QTGAL: variants seen among roughly 807,000 people sequenced by gnomAD.
QTGAL encodes the protein BGnT-like protein 1.
the QTGAL span, among the ~76,000 whole-genome samples, chr17:82,977,222 G>A: frequency 2.6e-5 from 4 of 152,238 alleles, no homozygotes; most frequent in South Asian, 2.1e-4. Context: ...GAGGAAAGGG[G>A]CTTACAGGCC....
chr17:82,964,209 G>A, the QTGAL span, among the ~76,000 whole-genome samples: 2 of 136,298 alleles, frequency 1.5e-5, no homozygotes, highest in Non-Finnish European at 3.1e-5. Flanking sequence ...GTTGTAGTGA[G>A]TGAGCCACTG....
chr17:82,992,401 G>A, the QTGAL span, among the ~76,000 whole-genome samples: 31 of 152,162 alleles, frequency 2.0e-4, no homozygotes, highest in Admixed American at 3.9e-4. Flanking sequence ...GCCTAGGAGA[G>A]GATGGCATGA....
chr17:82,946,167 A>G, the QTGAL span, among the ~76,000 whole-genome samples: 1 of 152,244 alleles, frequency 6.6e-6, no homozygotes, highest in Non-Finnish European at 1.5e-5. Context: ...ATGGAACAAG[A>G]ATAAAAAATA....
chr17:82,965,214 A>C, the QTGAL span, among the ~76,000 whole-genome samples: 2 of 149,246 alleles, frequency 1.3e-5, no homozygotes, highest in Non-Finnish European at 3.0e-5. Flanking sequence ...GGGGACGGGG[A>C]CATGGACGCC....
At chr17:82,994,092 T>C in the QTGAL span, among the ~76,000 whole-genome samples, 3 of 151,914 alleles carry the variant, frequency 2.0e-5, no homozygotes, top group African/African-American at 7.2e-5. Context: ...TAACAATGCA[T>C]CTTAAGCAAC....
chr17:82,949,934 C>A, the QTGAL span: 1 of 152,336 alleles, frequency 6.6e-6, no homozygotes, highest in South Asian at 2.1e-4. Context: ...ATAAGATGGA[C>A]ACGCTTGCTC....
the QTGAL span, among the ~76,000 whole-genome samples, chr17:82,987,199 T>C: frequency 6.6e-6 from 1 of 152,248 alleles, no homozygotes; most frequent in African/African-American, 2.4e-5. Flanking sequence ...AAATATCTCA[T>C]GTGCTCCATA....
the QTGAL span, among the ~76,000 whole-genome samples, chr17:82,970,531 GGCCGCGACC>G: frequency 6.9e-6 from 1 of 145,642 alleles, no homozygotes; most frequent in Admixed American, 6.9e-5. Flanking sequence ...CACCCAGCGT[GGCCGCGACC>G]TCCGCACCCG....
chr17:83,005,611 G>T, the QTGAL span: 1 of 702,728 alleles, frequency 1.4e-6, no homozygotes, highest in Admixed American at 2.0e-5. The surrounding 1 kb of genome is among the most constrained non-coding windows in gnomAD (Gnocchi z 5.6). Flanking sequence ...TGAGGAAACC[G>T]CTGCCTGTCC....
chr17:83,007,101 T>C, the QTGAL span: 1 of 630,704 alleles, frequency 1.6e-6, no homozygotes, highest in Non-Finnish European at 2.0e-6. Context: ...ACACCCTCCT[T>C]AGTGAAATGT....
the QTGAL span, among the ~76,000 whole-genome samples, chr17:83,018,829 T>TG: frequency 1.3e-5 from 2 of 152,274 alleles, no homozygotes; most frequent in South Asian, 4.1e-4. Context: ...CTGGCAGGGC[T>TG]GGGGCGAGGC....
At chr17:83,001,639 G>A in the QTGAL span, among the ~76,000 whole-genome samples, 1 of 152,186 alleles carries the variant, frequency 6.6e-6, no homozygotes, top group African/African-American at 2.4e-5. Flanking sequence ...TAGGTGCTGG[G>A]TGTGTGACCT....
At chr17:83,046,341 T>C in the QTGAL span, among the ~76,000 whole-genome samples, 1 of 152,210 alleles carries the variant, frequency 6.6e-6, no homozygotes, top group Non-Finnish European at 1.5e-5. Flanking sequence ...TTCACCATGT[T>C]GGCCAGGCTG....
chr17:82,956,520 A>G, the QTGAL span, among the ~76,000 whole-genome samples: 1 of 151,980 alleles, frequency 6.6e-6, no homozygotes, highest in Non-Finnish European at 1.5e-5. This position sits in a 1 kb window ranked among gnomAD's most constrained non-coding sequence, Gnocchi z 5.7. Flanking sequence ...AGCGGCCACC[A>G]CCCCACAGCC....
chr17:82,955,837 T>C, the QTGAL span, among the ~76,000 whole-genome samples: 4 of 152,310 alleles, frequency 2.6e-5, no homozygotes, highest in African/African-American at 9.6e-5. Flanking sequence ...AATGAGTTCA[T>C]GTCCTTTGCA....
chr17:82,974,750 G>C, the QTGAL span, among the ~76,000 whole-genome samples: 5 of 152,166 alleles, frequency 3.3e-5, no homozygotes, highest in Non-Finnish European at 7.4e-5. Flanking sequence ...CCCTGGGGGT[G>C]AGCTGGGTCC....
the QTGAL span, among the ~76,000 whole-genome samples, chr17:82,964,722 G>A: frequency 1.1e-3 from 156 of 139,410 alleles, 2 homozygotes; most frequent in African/African-American, 4.1e-3. Context: ...ACGGGGGGAC[G>A]GGGACACGGA....
the QTGAL span, among the ~76,000 whole-genome samples, chr17:83,001,711 T>G: frequency 6.6e-6 from 1 of 152,336 alleles, no homozygotes; most frequent in Non-Finnish European, 1.5e-5. Flanking sequence ...TTTTTCTCTG[T>G]AATTTTTTAT....
the QTGAL span, chr17:82,956,664 G>C: frequency 1.3e-6 from 2 of 1,526,092 alleles, no homozygotes; most frequent in Non-Finnish European, 1.8e-6. This position sits in a 1 kb window ranked among gnomAD's most constrained non-coding sequence, Gnocchi z 5.7. Context: ...GGATCCCCAA[G>C]CCCTTCCACG....
Sources: gnomAD v4.1 joint callset for allele counts (sites outside exome capture counted in the v4.1 genomes callset) on GRCh38, gnomAD v4.1.1 for gene constraint, Gnocchi (gnomAD v3.1) non-coding constraint, MANE v1.5 for transcripts, NCBI Gene and HGNC (gene_info 2026-07-23, HGNC 2026-07-21) for gene names.